OR6C75: variants seen among roughly 807,000 people sequenced by gnomAD.
OR6C75 encodes olfactory receptor 6C75.
For synonymous variants in OR6C75, 149 were observed against 130.6 expected, an observed-to-expected ratio of 1.14 and a Z score of -0.96; for missense variants, 380 against 368.0, an observed-to-expected ratio of 1.03 and a Z score of -0.27.
chr12:55,364,253 C>T (rs1375586129), intron 2 of OR6C75, among the ~76,000 whole-genome samples: 2 of 143,444 alleles, frequency 1.4e-5, no homozygotes, highest in Admixed American at 1.4e-4. Flanking sequence ...GCTGGGATTA[C>T]AGGCATGAGT....
rs1398920068 is a variant in OR6C75 at position 55,364,200 on chromosome 12, C to T, written c.-236+318C>T. 3.3e-5 allele frequency among the ~76,000 whole-genome samples: 5 copies of T among 150,528 alleles called. No individual in the cohort carries two copies. The Admixed American group carries it at 3.3e-4, about 10-fold the overall frequency. ...TTCACCATATTGGCCAGGCTGTTCT[C>T]GAACTGACCTCAGGTGATCCATCTG... On this transcript the variant is annotated intron_variant, in intron 2 of 2. Coordinates refer to ENST00000641576, the MANE Select transcript of OR6C75 (RefSeq NM_001005497.2).
intron 2 of OR6C75, among the ~76,000 whole-genome samples, chr12:55,364,369 A>G (rs555598238): frequency 1.1e-5 from 1 of 87,558 alleles, no homozygotes; most frequent in African/African-American, 4.3e-5. Context: ...CTTGTCGCCC[A>G]GGCTGGAGTG....
At chr12:55,364,312 C>CTTTTTTTTTTTT (rs59247539) in intron 2 of OR6C75, among the ~76,000 whole-genome samples, 251 of 17,172 alleles carry the variant, frequency 0.015, 92 homozygotes, top group East Asian at 0.037. Flanking sequence ...GTTTCTTTTC[C>CTTTTTTTTTTTT]TTTTTTTTTT....
In OR6C75 at chr12:55,366,470, A is replaced by T. The variant is rs1207469741; in HGVS notation, c.*421A>T. 1 of 152,256 alleles carries T rather than the reference A, an allele frequency of 6.6e-6. No homozygotes were observed. Among genetic ancestry groups the T allele is most frequent in the East Asian group, 1.9e-4 (1 of 5,202 alleles). 9.4% of individuals were successfully genotyped at this position (152,256 alleles called of 1,614,324 possible). ...AAAATAAAGGCAAAATAGATTCTTC[A>T]TTCATAAAATAGAGGTAGCTATAAA... On this transcript the variant is annotated 3_prime_UTR_variant, in exon 3 of 3. Coordinates refer to ENST00000641576, the MANE Select transcript of OR6C75 (RefSeq NM_001005497.2).
chr12:55,366,155 TAGAC>T lies in OR6C75; in HGVS notation c.*108_*111del. On this transcript the variant is annotated 3_prime_UTR_variant, in exon 3 of 3. Coordinates refer to ENST00000641576, the MANE Select transcript of OR6C75 (RefSeq NM_001005497.2). ...AAACACCTTATTTCACACTTTTAGT[TAGAC>T]ATAGTTACATATCATCAACACTTCT... 1 of 653,162 alleles carries T rather than the reference TAGAC, an allele frequency of 1.5e-6. No homozygotes were observed. The highest frequency in any genetic ancestry group is 2.5e-6 in the Non-Finnish European group (1 of 392,726). 40.5% of individuals were successfully genotyped at this position (653,162 alleles called of 1,614,324 possible). A position where few individuals can be genotyped will look rare whatever the true frequency, so the allele number is the denominator to read the frequency against.
chr12:55,366,605 A>G lies in OR6C75; in HGVS notation c.*556A>G, dbSNP rs1323955045. On this transcript the variant is annotated 3_prime_UTR_variant, in exon 3 of 3. Transcript: ENST00000641576. Reference sequence around the variant, plus strand: ...AAATTTTTTCTTCAATGTCACCAGGAAAAACATGTTATAAAACTAAAAGCA... The same window carrying G: ...AAATTTTTTCTTCAATGTCACCAGGGAAAACATGTTATAAAACTAAAAGCA... 1 of 152,146 alleles carries G rather than the reference A, an allele frequency of 6.6e-6. No homozygotes were observed. The highest frequency in any genetic ancestry group is 1.5e-5 in the Non-Finnish European group (1 of 68,004). 9.4% of individuals were successfully genotyped at this position (152,146 alleles called of 1,614,324 possible). A position where few individuals can be genotyped will look rare whatever the true frequency, so the allele number is the denominator to read the frequency against.
rs867195374 is a variant in OR6C75 at position 55,365,630 on chromosome 12, C to G, written c.520C>G (p.His174Asp). 6.2e-7 allele frequency: 1 copy of G among 1,613,892 alleles called. No homozygotes were observed. The highest frequency in any genetic ancestry group is 8.5e-7 in the Non-Finnish European group (1 of 1,180,014). ...TTTCTGTGCCTCCAATGTAATTGAT[C>G]ATTTTATCTGTGACTCTTCTCCAAT... is the stretch of plus-strand genomic sequence containing the variant. ...LDFCASNVID[H>D]FICDSSPMLQ... Residue 174 changes from histidine (H) to aspartate (D), a missense_variant, in exon 3 of 3, where the codon CAT becomes GAT. Coordinates refer to ENST00000641576, the MANE Select transcript of OR6C75 (RefSeq NM_001005497.2).
chr12:55,364,151 T>G (rs1205587987), intron 2 of OR6C75, among the ~76,000 whole-genome samples: 1 of 150,780 alleles, frequency 6.6e-6, no homozygotes, highest in Non-Finnish European at 1.5e-5. Context: ...GCTAATTTTT[T>G]TGTATTTTTA....
In OR6C75 at chr12:55,365,372, A is replaced by G. The variant is rs757704880; in HGVS notation, c.262A>G (p.Arg88Gly). Residue 88 changes from arginine to glycine, a missense_variant, in exon 3 of 3, where the codon AGA (arginine) becomes GGA (glycine). Coordinates refer to ENST00000641576, the MANE Select transcript of OR6C75 (RefSeq NM_001005497.2). The part of the protein sequence containing the change: ...RFLVTVVTGN[R>G]TISYNGCVAQ... ...CCTTGTCACTGTTGTGACAGGAAAC[A>G]GAACCATTTCTTATAATGGGTGTGT... is the stretch of plus-strand genomic sequence containing the variant. 1.2e-6 allele frequency: 2 copies of G among 1,614,156 alleles called. No individual in the cohort carries two copies. The highest frequency in any genetic ancestry group is 1.7e-6 in the Non-Finnish European group (2 of 1,180,000).
Position 55,366,130 on chromosome 12 carries a change from A to G in OR6C75, c.*81A>G, listed in dbSNP as rs1228842689. On this transcript the variant is annotated 3_prime_UTR_variant, in exon 3 of 3. Transcript: ENST00000641576. Reference sequence around the variant, plus strand: ...ACCCTTCTCTACATGAACTCTTTCTAAACACCTTATTTCACACTTTTAGTT... The same window carrying G: ...ACCCTTCTCTACATGAACTCTTTCTGAACACCTTATTTCACACTTTTAGTT... 1 of 786,120 alleles carries G rather than the reference A, an allele frequency of 1.3e-6. No homozygotes were observed. Among genetic ancestry groups the G allele is most frequent in the Non-Finnish European group, 2.0e-6 (1 of 501,156 alleles). 48.7% of individuals were successfully genotyped at this position (786,120 alleles called of 1,614,324 possible). A position where few individuals can be genotyped will look rare whatever the true frequency, so the allele number is the denominator to read the frequency against.
chr12:55,363,480 A>G (rs1163997094), intron 1 of OR6C75, among the ~76,000 whole-genome samples: 2 of 152,046 alleles, frequency 1.3e-5, no homozygotes, highest in African/African-American at 2.4e-5. Context: ...TGTCCACTAA[A>G]CACTTCTATA....
At position 55,366,148 on chromosome 12, in the gene OR6C75, T is replaced by G; in HGVS notation, c.*99T>G. The G allele has an allele frequency of 5.8e-6, 4 of 685,700 alleles. No individual in the cohort carries two copies. Among genetic ancestry groups the G allele is most frequent in the Non-Finnish European group, 9.5e-6 (4 of 419,456 alleles). 42.5% of individuals were successfully genotyped at this position (685,700 alleles called of 1,614,324 possible). ...TCTTTCTAAACACCTTATTTCACAC[T>G]TTTAGTTAGACATAGTTACATATCA... On this transcript the variant is annotated 3_prime_UTR_variant, in exon 3 of 3. Transcript: ENST00000641576.
In OR6C75 at chr12:55,368,321, A is replaced by G. The variant is rs1869851517; in HGVS notation, c.*2272A>G. 1 of 152,074 alleles carries G rather than the reference A, an allele frequency of 6.6e-6. No homozygotes were observed. The highest frequency in any genetic ancestry group is 1.5e-5 in the Non-Finnish European group (1 of 68,082). The allele number at this position is 152,074 out of a possible 1,614,324, so 9.4% of individuals were successfully genotyped here. On this transcript the variant is annotated 3_prime_UTR_variant, in exon 3 of 3. Transcript: ENST00000641576. Reference sequence around the variant, plus strand: ...AGCAAGACCCTATCTCTACTTAAAAATAAAAAAACAAGATGCCTGTAATTC... The same window carrying G: ...AGCAAGACCCTATCTCTACTTAAAAGTAAAAAAACAAGATGCCTGTAATTC...
At chr12:55,363,994 T>TC (rs1348753680) in intron 2 of OR6C75, 112 bp downstream of exon 2, 2 of 147,180 alleles carry the variant, frequency 1.4e-5, no homozygotes, top group East Asian at 3.9e-4. Context: ...TTTTTTTTTT[T>TC]CCGAGACGGA....
At position 55,364,958 on chromosome 12, in the gene OR6C75, G is replaced by T. The variant is rs947197918; in HGVS notation, c.-153G>T. On this transcript the variant is annotated 5_prime_UTR_variant, in exon 3 of 3. Coordinates refer to ENST00000641576, the MANE Select transcript of OR6C75 (RefSeq NM_001005497.2). ...AGGAGATACTGCCACACTGCCATTT[G>T]TGACATTACGGATGAACCTGGAAGG... The T allele has an allele frequency of 6.5e-5, 39 of 596,600 alleles. No individual in the cohort carries two copies. Among genetic ancestry groups the T allele is most frequent in the Non-Finnish European group, 8.7e-6 (3 of 343,016 alleles). 37.0% of individuals were successfully genotyped at this position (596,600 alleles called of 1,614,324 possible). A position where few individuals can be genotyped will look rare whatever the true frequency, so the allele number is the denominator to read the frequency against.
rs775059107 is a variant in OR6C75, at chr12:55,366,289, A to G, written c.*240A>G. 2.9e-5 allele frequency: 10 copies of G among 347,548 alleles called. No homozygotes were observed. Among genetic ancestry groups the G allele is most frequent in the Non-Finnish European group, 5.2e-5 (10 of 191,532 alleles). 21.5% of individuals were successfully genotyped at this position (347,548 alleles called of 1,614,324 possible). A position where few individuals can be genotyped will look rare whatever the true frequency, so the allele number is the denominator to read the frequency against. ...AATTTTAGGTAAATTAATAATTACTATGGTTTATTGAGGGATAGCATTGGG... is the reference window on the plus strand; with the variant it reads ...AATTTTAGGTAAATTAATAATTACTGTGGTTTATTGAGGGATAGCATTGGG... On this transcript the variant is annotated 3_prime_UTR_variant, in exon 3 of 3. Coordinates refer to ENST00000641576, the MANE Select transcript of OR6C75 (RefSeq NM_001005497.2).
chr12:55,365,918 A>G lies in OR6C75; in HGVS notation c.808A>G (p.Lys270Glu). ...TGCCAGAGAAAGGGTGACTTTAAGC[A>G]AAGGAGTAGCTGTGCTCAATACCTC... ...TSARERVTLS[K>E]GVAVLNTSVA... Residue 270 changes from lysine to glutamate, a missense_variant, in exon 3 of 3, where the codon AAA becomes GAA. By Grantham distance (56) the Lys-to-Glu change is moderately conservative. Transcript: ENST00000641576. The G allele has an allele frequency of 1.2e-6, 2 of 1,614,004 alleles. No homozygotes were observed. The highest frequency in any genetic ancestry group is 1.7e-6 in the Non-Finnish European group (2 of 1,179,934).
intron 1 of OR6C75, 43 bp downstream of exon 1, chr12:55,363,092 T>C (rs1382370049): frequency 1.3e-5 from 2 of 152,182 alleles, no homozygotes; most frequent in East Asian, 3.8e-4. Flanking sequence ...AAATTTGGGT[T>C]GATGTATAAA....
rs1869785769 is a variant in OR6C75 at position 55,365,764 on chromosome 12, C to T, written c.654C>T (p.Asn218=). 3.7e-6 allele frequency: 6 copies of T among 1,614,050 alleles called. No homozygotes were observed. The highest frequency in any genetic ancestry group is 5.1e-6 in the Non-Finnish European group (6 of 1,179,998). The change falls in exon 3 of 3, where the codon AAC becomes AAT. Residue 218 remains asparagine (N), a synonymous_variant. Transcript: ENST00000641576. ...CATTAGTTATTCTCTCCTACACAAACATCATCCGGACAATTCTGAAAATTC... is the reference window on the plus strand; with the variant it reads ...CATTAGTTATTCTCTCCTACACAAATATCATCCGGACAATTCTGAAAATTC... ...TLTLVILSYT[N]IIRTILKIPS...
Sources: gnomAD v4.1 joint callset for allele counts (sites outside exome capture counted in the v4.1 genomes callset) on GRCh38, gnomAD v4.1.1 for gene constraint, MANE v1.5 for transcripts, NCBI Gene and HGNC (gene_info 2026-07-23, HGNC 2026-07-21) for gene names.